JMJD1C: variants seen among roughly 807,000 people sequenced by gnomAD.
JMJD1C encodes jumonji domain-containing protein 1C.
Under a neutral mutation model 245.3 loss-of-function variants are expected in JMJD1C, and 31 were observed. That is an observed-to-expected ratio of 0.13 (90% CI 0.09 to 0.17). The LOEUF (loss-of-function observed/expected upper bound fraction) is 0.17, where lower values mean the gene tolerates loss of function less well. JMJD1C is among the 10% of genes least tolerant of loss of function. The probability of loss-of-function intolerance (pLI) is 1.00; values close to 1 mark genes in which losing one functional copy is unlikely to be tolerated. For missense variants in JMJD1C, 2,691 were observed against 3,000.2 expected (o/e 0.90, Z 2.41); for synonymous variants, 1,057 against 1,017.4 (o/e 1.04, Z -0.74).
rs545734927 is a variant in JMJD1C, at chr10:63,224,712, A to G, written c.448-4729T>C. 6.4e-4 allele frequency among the ~76,000 whole-genome samples: 98 copies of G among 152,276 alleles called. 2 individuals carry two copies. The South Asian group carries it at 0.018, about 28-fold the overall frequency. On this transcript the variant is annotated intron_variant, in intron 3 of 25. Coordinates refer to ENST00000399262, the MANE Select transcript of JMJD1C (RefSeq NM_032776.3). ...TAAAAACTAGCTATGAATATCCACT[A>G]TCTTTCACAGAATTTAAAAGGTCTT...
chr10:63,455,816 G>A (rs967206887), intron 1 of JMJD1C, among the ~76,000 whole-genome samples: 2 of 151,896 alleles, frequency 1.3e-5, no homozygotes, highest in African/African-American at 4.8e-5. Flanking sequence ...AGTTTTCCAA[G>A]ACACCAAAGA....
intron 1 of JMJD1C, among the ~76,000 whole-genome samples, chr10:63,520,657 C>T (rs547738851): frequency 9.9e-5 from 15 of 152,238 alleles, no homozygotes; most frequent in African/African-American, 3.6e-4. Flanking sequence ...GTCAGGAATC[C>T]TAGACCCAGC....
intron 16 of JMJD1C, 84 bp from the exon 17 acceptor site, chr10:63,191,192 C>T (rs757411146): frequency 3.0e-5 from 32 of 1,052,086 alleles, no homozygotes; most frequent in East Asian, 4.9e-5. Flanking sequence ...AGTGCAGTGG[C>T]GTGACCTCGG....
intron 2 of JMJD1C, among the ~76,000 whole-genome samples, chr10:63,378,126 G>A (rs929734135): frequency 1.3e-5 from 2 of 151,694 alleles, no homozygotes; most frequent in Non-Finnish European, 2.9e-5. Context: ...GAAAAGGTTG[G>A]TGATTGTTTA....
chr10:63,263,468 GAA>G lies in JMJD1C; in HGVS notation c.447+1181_447+1182del, dbSNP rs912088113. ...AATAATAGCTCTACATTTTATTTTT[GAA>G]AAACAGTAACAAGTCTGAAATAAAA... On this transcript the variant is annotated intron_variant, in intron 3 of 25. Coordinates refer to ENST00000399262, the MANE Select transcript of JMJD1C (RefSeq NM_032776.3). Among the ~76,000 whole-genome samples the G allele has an allele frequency of 6.6e-5, 10 of 152,110 alleles. No individual in the cohort carries two copies. In the East Asian group the frequency reaches 1.9e-3, roughly 29 times the overall value.
chr10:63,185,859 A>G (rs1235055243), intron 19 of JMJD1C, among the ~76,000 whole-genome samples: 1 of 152,248 alleles, frequency 6.6e-6, no homozygotes, highest in African/African-American at 2.4e-5. Flanking sequence ...TCATTAAATT[A>G]CCCACTTGTA....
At chr10:63,254,860 T>C (rs59214684) in intron 3 of JMJD1C, among the ~76,000 whole-genome samples, 3,319 of 129,822 alleles carry the variant, frequency 0.026, 112 homozygotes, top group African/African-American at 0.085. Flanking sequence ...GCTCCCCCCC[T>C]TTTTTTTTTA....
chr10:63,310,735 T>C (rs1178433548), intron 2 of JMJD1C, among the ~76,000 whole-genome samples: 1 of 152,078 alleles, frequency 6.6e-6, no homozygotes, highest in Admixed American at 6.6e-5. Flanking sequence ...ATCTAAAATA[T>C]AAAAACAAAT....
At chr10:63,484,264 AGATAGATAAGAT>A (rs2133196421) in intron 1 of JMJD1C, among the ~76,000 whole-genome samples, 1 of 148,884 alleles carries the variant, frequency 6.7e-6, no homozygotes, top group African/African-American at 2.5e-5. Context: ...ATAGATAGAT[AGATAGATAAGAT>A]AGATAGATAA....
At chr10:63,473,559 C>A (rs191846527) in intron 1 of JMJD1C, among the ~76,000 whole-genome samples, 1 of 152,064 alleles carries the variant, frequency 6.6e-6, no homozygotes, top group East Asian at 1.9e-4. Context: ...GTAAAAAGAA[C>A]TTCTAGGAAT....
chr10:63,405,316 ATTTTTT>A (rs60087645), intron 1 of JMJD1C, among the ~76,000 whole-genome samples: 2 of 99,448 alleles, frequency 2.0e-5, no homozygotes, highest in African/African-American at 4.0e-5. Context: ...CCACATGTAG[ATTTTTT>A]TTTTTTTTTT....
At chr10:63,513,874 C>T (rs1954943255) in intron 1 of JMJD1C, among the ~76,000 whole-genome samples, 2 of 152,084 alleles carry the variant, frequency 1.3e-5, no homozygotes, top group African/African-American at 4.8e-5. Context: ...GATCGCGCCA[C>T]TGCACTCCAG....
intron 2 of JMJD1C, among the ~76,000 whole-genome samples, chr10:63,273,235 C>T (rs560007593): frequency 6.6e-6 from 1 of 152,120 alleles, no homozygotes; most frequent in Non-Finnish European, 1.5e-5. Flanking sequence ...ACTCTGTTGT[C>T]CAGGCCAGAG....
At chr10:63,316,852 C>T (rs1427925730) in intron 2 of JMJD1C, among the ~76,000 whole-genome samples, 1 of 151,974 alleles carries the variant, frequency 6.6e-6, no homozygotes, top group African/African-American at 2.4e-5. Context: ...GAGTATTTAT[C>T]TTTTTGTTTG....
At chr10:63,387,677 C>T (rs1023270628) in intron 1 of JMJD1C, among the ~76,000 whole-genome samples, 4 of 111,272 alleles carry the variant, frequency 3.6e-5, no homozygotes, top group African/African-American at 1.5e-4. Flanking sequence ...GCTCTGTCGC[C>T]CAGGCTACAG....
intron 2 of JMJD1C, among the ~76,000 whole-genome samples, chr10:63,326,154 G>GT (rs1459341922): frequency 1.3e-5 from 2 of 152,060 alleles, no homozygotes; most frequent in South Asian, 2.1e-4. Context: ...ACGGGGAAGC[G>GT]TAACAATTTC....
chr10:63,290,252 C>G (rs751006023), intron 2 of JMJD1C, among the ~76,000 whole-genome samples: 32 of 152,246 alleles, frequency 2.1e-4, no homozygotes, highest in Non-Finnish European at 4.1e-4. Context: ...TCCGAAACTT[C>G]TGAAAACACT....
At chr10:63,415,050 C>A (rs1213996764) in intron 1 of JMJD1C, among the ~76,000 whole-genome samples, 2 of 152,084 alleles carry the variant, frequency 1.3e-5, no homozygotes, top group African/African-American at 4.8e-5. Context: ...GCTGTGCCAA[C>A]TTTGCAATTT....
In JMJD1C at chr10:63,208,404, G is replaced by A. The variant is rs200160728; in HGVS notation, c.3265C>T (p.Pro1089Ser). The change falls in exon 10 of 26, where the codon CCC (proline) becomes TCC (serine). Residue 1089 changes from proline (P) to serine (S), a missense_variant. Around this residue, in one of 9 missense-constraint regions of JMJD1C, gnomAD observed 1,562 missense variants for 1,490.7 expected, o/e 1.05. Coordinates refer to ENST00000399262, the MANE Select transcript of JMJD1C (RefSeq NM_032776.3). ...KMKHSVPQSL[P>S]QSNYFTTLSN... ...AATGTAGTGAAATAGTTACTTTGGG[G>A]TAAACTCTGAGGCACTGAGTGCTTC... The A allele has an allele frequency of 5.0e-4, 810 of 1,613,880 alleles. No individual in the cohort carries two copies. The highest frequency in any genetic ancestry group is 6.3e-4 in the Non-Finnish European group (748 of 1,179,946).
Sources: allele counts gnomAD v4.1 joint callset (sites outside exome capture counted in the v4.1 genomes callset), GRCh38; gene constraint gnomAD v4.1.1; regional missense constraint gnomAD v4.1.1; transcripts MANE v1.5; gene names NCBI Gene and HGNC (gene_info 2026-07-23, HGNC 2026-07-21).